Variants in TRIP12 observed in about 807,000 individuals in gnomAD.
TRIP12 encodes the protein thyroid hormone receptor interactor 12.
A neutral mutation model predicts 244.2 loss-of-function variants in TRIP12; 25 were observed. The ratio of observed to expected loss-of-function variants is 0.10; its 90% CI spans 0.07 to 0.14. The LOEUF is 0.14. Ranked by LOEUF, TRIP12 falls within the 10% of genes least tolerant of loss-of-function variation. The pLI is 1.00. For synonymous variants in TRIP12, 905 were observed against 873.1 expected (o/e 1.04, Z -0.64); for missense variants, 1,677 against 2,486.4 (o/e 0.67, Z 6.92).
chr2:229,864,310 T>C (rs1232779933), intron 2 of TRIP12, among the ~76,000 whole-genome samples: 1 of 152,202 alleles, frequency 6.6e-6, no homozygotes, highest in East Asian at 1.9e-4. Flanking sequence ...TTTGCACCAA[T>C]AAATCCACTT....
At chr2:229,837,583 G>A (rs11675133) in intron 5 of TRIP12, among the ~76,000 whole-genome samples, 4 of 152,170 alleles carry the variant, frequency 2.6e-5, no homozygotes, top group Admixed American at 6.5e-5. Flanking sequence ...GCAGTGAGCC[G>A]AGATCATGCC....
In TRIP12 at chr2:229,829,250, C is replaced by T. The variant is rs149947298; in HGVS notation, c.1393G>A (p.Gly465Ser). The T allele has an allele frequency of 6.2e-7, 1 of 1,613,598 alleles. No homozygotes were observed. Among genetic ancestry groups the T allele is most frequent in the African/African-American group, 1.3e-5 (1 of 74,892 alleles). Residue 465 changes from glycine to serine, a missense_variant, in exon 8 of 42, where the codon GGT becomes AGT. Gly to Ser is a moderately conservative substitution (Grantham distance 56). Transcript: ENST00000675903. ...EARGLPPHLF[G>S]PLGPRMSQLF... ...TGTGACATCCGAGGACCAAGAGGAC[C>T]AAATAGGTGAGGGGGAAGACCCCTT...
intron 8 of TRIP12, among the ~76,000 whole-genome samples, chr2:229,826,460 T>G (rs1302224978): frequency 1.3e-5 from 2 of 152,224 alleles, no homozygotes; most frequent in Non-Finnish European, 2.9e-5. Context: ...AAGAAATTAC[T>G]GTTTTATTTT....
Position 229,814,033 on chromosome 2 carries a change from TA to T in TRIP12, c.1825-3del. ...CAGCAAGCAGTCTGCCAAACCACCC[TA>T]AAATATAGAAAACTGTTAAGGTAAA... On this transcript the variant is annotated splice_polypyrimidine_tract_variant and splice_region_variant and intron_variant, in intron 12 of 41. Transcript: ENST00000675903. The T allele has an allele frequency of 6.4e-7, 1 of 1,570,548 alleles. No homozygotes were observed. The highest frequency in any genetic ancestry group is 8.7e-7 in the Non-Finnish European group (1 of 1,148,656).
intron 1 of TRIP12, among the ~76,000 whole-genome samples, chr2:229,896,567 G>A (rs2068888003): frequency 6.6e-6 from 1 of 152,064 alleles, no homozygotes; most frequent in Non-Finnish European, 1.5e-5. Context: ...AGCTGAGATG[G>A]CGCCACTGCA....
chr2:229,805,440 A>C (rs555960283), intron 18 of TRIP12, among the ~76,000 whole-genome samples: 1 of 152,162 alleles, frequency 6.6e-6, no homozygotes, highest in African/African-American at 2.4e-5. Context: ...GAACTAGTCA[A>C]TGGATCTAAA....
At chr2:229,777,230 C>T in intron 37 of TRIP12, 85 bp downstream of exon 37, 1 of 1,399,590 alleles carries the variant, frequency 7.1e-7, no homozygotes, top group Non-Finnish European at 9.8e-7. Flanking sequence ...AATATAACAA[C>T]TGAGTCAAAT....
chr2:229,769,392 G>T, intron 39 of TRIP12, 67 bp from the exon 40 acceptor site: 1 of 1,457,118 alleles, frequency 6.9e-7, no homozygotes, highest in Non-Finnish European at 9.6e-7. Flanking sequence ...TGAAAATAAA[G>T]GTCTACGTGT....
chr2:229,855,242 G>A (rs2059391086), intron 4 of TRIP12, among the ~76,000 whole-genome samples: 1 of 152,142 alleles, frequency 6.6e-6, no homozygotes, highest in Non-Finnish European at 1.5e-5. Context: ...ATTCCAGCCT[G>A]CGCAACACAG....
intron 1 of TRIP12, among the ~76,000 whole-genome samples, chr2:229,906,187 C>G (rs2072722738): frequency 6.6e-6 from 1 of 151,378 alleles, no homozygotes; most frequent in African/African-American, 2.4e-5. Context: ...CGCCTGTGAT[C>G]CCAGCTACTC....
At chr2:229,793,427 C>A in intron 26 of TRIP12, 1 of 208,046 alleles carries the variant, frequency 4.8e-6, no homozygotes, top group Non-Finnish European at 9.6e-6. Context: ...AGAAATACTT[C>A]ACCCATGAAT....
In TRIP12 at chr2:229,845,039, G is replaced by A. The variant is rs539180109; in HGVS notation, c.1028-4112C>T. 7.2e-5 allele frequency among the ~76,000 whole-genome samples: 11 copies of A among 152,216 alleles called. 1 individual carries two copies. In the South Asian group the frequency reaches 2.1e-3, roughly 29 times the overall value. On this transcript the variant is annotated intron_variant, in intron 4 of 41. Transcript: ENST00000675903. ...TCCTCCACCATACTGATTCATTCAA[G>A]GACAGGTATATAACCCAAGGAAATC...
At chr2:229,818,339 A>C in intron 9 of TRIP12, 25 bp downstream of exon 9, 1 of 1,610,914 alleles carries the variant, frequency 6.2e-7, no homozygotes, top group East Asian at 2.2e-5. Context: ...ATGAGGTAAA[A>C]ACGAGGGAAA....
At chr2:229,894,399 G>A (rs1292479944) in intron 1 of TRIP12, 2 of 152,128 alleles carry the variant, frequency 1.3e-5, no homozygotes, top group Non-Finnish European at 2.9e-5. Context: ...GAGAAGAATA[G>A]CATGGCCCCT....
intron 4 of TRIP12, among the ~76,000 whole-genome samples, chr2:229,843,674 T>C (rs535188345): frequency 1.3e-5 from 2 of 152,224 alleles, no homozygotes; most frequent in African/African-American, 4.8e-5. Flanking sequence ...AGCCCAGGAG[T>C]TTGAGACCAG....
In TRIP12 at chr2:229,804,203, T is replaced by A. The variant is rs761037799; in HGVS notation, c.2675A>T (p.Asp892Val). The A allele has an allele frequency of 1.2e-6, 2 of 1,613,632 alleles. No individual in the cohort carries two copies. Among genetic ancestry groups the A allele is most frequent in the East Asian group, 2.2e-5 (1 of 44,856 alleles). The change falls in exon 19 of 42, where the codon GAT (aspartate) becomes GTT (valine). Residue 892 changes from aspartate to valine, a missense_variant. This residue lies in a region of TRIP12 where 572 missense variants were observed against 867.8 expected (regional missense o/e 0.66). Transcript: ENST00000675903. ...TTTCATAAGCTGTGCTCGAGCATCA[T>A]CCTTCTTTGACTCTGAATATCCACC... is the stretch of plus-strand genomic sequence containing the variant. ...NTSGYSESKK[D>V]DARAQLMKED...
At chr2:229,854,820 C>A (rs987180742) in intron 4 of TRIP12, among the ~76,000 whole-genome samples, 11 of 152,184 alleles carry the variant, frequency 7.2e-5, no homozygotes, top group African/African-American at 2.7e-4. Flanking sequence ...TATCTGTTCA[C>A]CCCTATCATT....
At chr2:229,814,175 T>C in intron 12 of TRIP12, 58 bp downstream of exon 12, 3 of 1,588,404 alleles carry the variant, frequency 1.9e-6, no homozygotes, top group Non-Finnish European at 1.7e-6. Flanking sequence ...TGTACAAATG[T>C]GGATTTTAAA....
intron 1 of TRIP12, among the ~76,000 whole-genome samples, chr2:229,918,125 A>C (rs1476199997): frequency 6.6e-6 from 1 of 152,262 alleles, no homozygotes; most frequent in Non-Finnish European, 1.5e-5. Context: ...TTAATCAGAA[A>C]TACAAAGATC....
Sources: allele counts gnomAD v4.1 joint callset (sites outside exome capture counted in the v4.1 genomes callset), GRCh38; gene constraint gnomAD v4.1.1; regional missense constraint gnomAD v4.1.1; transcripts MANE v1.5; gene names NCBI Gene and HGNC (gene_info 2026-07-23, HGNC 2026-07-21).